The following DSC1 variants were observed in gnomAD, a reference collection of about 807,000 sequenced individuals.
The protein encoded by DSC1 is desmocollin 1.
Under a neutral mutation model 98.8 loss-of-function variants are expected in DSC1, and 79 were observed. The observed-to-expected ratio is 0.80, with a 90% CI of 0.67 to 0.96. The LOEUF is 0.96. DSC1 is among the 50% of genes least tolerant of loss of function. DSC1 has a pLI of 0.00. For synonymous variants in DSC1, 405 were observed against 372.1 expected, an observed-to-expected ratio of 1.09 and a Z score of -1.02; for missense variants, 1,115 against 1,075.9, an observed-to-expected ratio of 1.04 and a Z score of -0.51.
At chr18:31,132,449 T>C in intron 14 of DSC1, 119 bp downstream of exon 14, 1 of 1,391,030 alleles carries the variant, frequency 7.2e-7, no homozygotes, top group Non-Finnish European at 9.8e-7. Context: ...CACTTGAAAC[T>C]CTGCTTAGCA....
At chr18:31,145,562 T>C (rs759907544) in intron 7 of DSC1, 49 bp downstream of exon 7, 1 of 1,598,000 alleles carries the variant, frequency 6.3e-7, no homozygotes, top group South Asian at 1.1e-5. Context: ...GAGTTCATTC[T>C]CAGTTTAAAT....
chr18:31,134,445 T>G, intron 12 of DSC1, 127 bp downstream of exon 12: 1 of 903,392 alleles, frequency 1.1e-6, no homozygotes. Flanking sequence ...GATTAGGTAT[T>G]GTTGTTTTTA....
At chr18:31,132,453 C>T (rs1988514738) in intron 14 of DSC1, 115 bp downstream of exon 14, 3 of 1,423,294 alleles carry the variant, frequency 2.1e-6, no homozygotes, top group East Asian at 2.4e-5. Flanking sequence ...TGAAACTCTG[C>T]TTAGCATAGT....
At chr18:31,142,267 A>C in intron 8 of DSC1, 83 bp from the exon 9 acceptor site, 1 of 1,440,438 alleles carries the variant, frequency 6.9e-7, no homozygotes. Flanking sequence ...TTAAAGAAAA[A>C]AATAAATAAA....
At chr18:31,158,367 C>A (rs1236904131) in intron 2 of DSC1, among the ~76,000 whole-genome samples, 2 of 152,140 alleles carry the variant, frequency 1.3e-5, no homozygotes, top group African/African-American at 4.8e-5. Context: ...TTTAGTAAAC[C>A]CGATGCGCTG....
At chr18:31,155,519 A>G (rs1989079420) in intron 4 of DSC1, among the ~76,000 whole-genome samples, 1 of 152,048 alleles carries the variant, frequency 6.6e-6, no homozygotes, top group Non-Finnish European at 1.5e-5. Context: ...AATCCCAGCA[A>G]CTCGGGAGGT....
intron 5 of DSC1, among the ~76,000 whole-genome samples, chr18:31,153,475 G>T (rs906108655): frequency 4.6e-5 from 7 of 152,044 alleles, no homozygotes; most frequent in African/African-American, 9.7e-5. Flanking sequence ...AGTAAAATAT[G>T]TTTATTCTAG....
At chr18:31,150,226 TACCACC>T (rs1988942175) in intron 5 of DSC1, among the ~76,000 whole-genome samples, 1 of 70,684 alleles carries the variant, frequency 1.4e-5, no homozygotes, top group African/African-American at 5.8e-5. Flanking sequence ...TCACCACCAC[TACCACC>T]ATCATCACCA....
chr18:31,137,033 G>A (rs968339762), intron 11 of DSC1, among the ~76,000 whole-genome samples: 1 of 152,038 alleles, frequency 6.6e-6, no homozygotes, highest in African/African-American at 2.4e-5. Context: ...GTACATCTTG[G>A]GTTAACTAAA....
chr18:31,148,739 A>T, intron 5 of DSC1, 97 bp from the exon 6 acceptor site: 1 of 1,262,186 alleles, frequency 7.9e-7, no homozygotes, highest in African/African-American at 1.5e-5. Flanking sequence ...TTAAAAAAAA[A>T]AATCATTCCC....
At chr18:31,147,152 A>AGT in intron 6 of DSC1, among the ~76,000 whole-genome samples, 1 of 119,784 alleles carries the variant, frequency 8.3e-6, no homozygotes, top group Admixed American at 8.1e-5. Flanking sequence ...AAATCAGTTT[A>AGT]ATTTTTTTTT....
intron 11 of DSC1, among the ~76,000 whole-genome samples, chr18:31,138,665 A>G (rs1282650466): frequency 2.0e-5 from 3 of 152,048 alleles, no homozygotes; most frequent in Non-Finnish European, 4.4e-5. Flanking sequence ...CATTTTCACT[A>G]CTACCAACTT....
At chr18:31,141,046 G>T (rs1988724333) in intron 9 of DSC1, among the ~76,000 whole-genome samples, 1 of 152,186 alleles carries the variant, frequency 6.6e-6, no homozygotes, top group South Asian at 2.1e-4. Flanking sequence ...AGTGCCTTTT[G>T]CCTCCCTCCA....
chr18:31,157,266 T>C, intron 3 of DSC1, 105 bp downstream of exon 3: 5 of 1,209,348 alleles, frequency 4.1e-6, no homozygotes, highest in Non-Finnish European at 5.8e-6. Context: ...AAATTTGTCA[T>C]TCAATAGCAT....
At chr18:31,159,921 T>C in intron 1 of DSC1, among the ~76,000 whole-genome samples, 1 of 152,214 alleles carries the variant, frequency 6.6e-6, no homozygotes, top group Non-Finnish European at 1.5e-5. Flanking sequence ...GCCCTAATTC[T>C]CTAATCATCA....
chr18:31,149,826 T>TA (rs1988923131), intron 5 of DSC1, among the ~76,000 whole-genome samples: 1 of 152,202 alleles, frequency 6.6e-6, no homozygotes, highest in African/African-American at 2.4e-5. Flanking sequence ...TGTATTAAAA[T>TA]AACCATTCAT....
intron 3 of DSC1, 149 bp downstream of exon 3, chr18:31,157,222 G>T: frequency 2.4e-6 from 2 of 827,046 alleles, no homozygotes; most frequent in Non-Finnish European, 3.8e-6. Context: ...TAAAAGTCTA[G>T]TCTTTATTTA....
intron 3 of DSC1, among the ~76,000 whole-genome samples, chr18:31,156,676 G>A (rs1437381847): frequency 6.6e-6 from 1 of 152,198 alleles, no homozygotes; most frequent in East Asian, 1.9e-4. Flanking sequence ...CAATCAAAAA[G>A]AATTTAGTTG....
chr18:31,134,250 T>C (rs1222723485), intron 12 of DSC1, 120 bp from the exon 13 acceptor site: 1 of 1,342,318 alleles, frequency 7.4e-7, no homozygotes, highest in Non-Finnish European at 1.0e-6. Context: ...TTTTCTTTTT[T>C]TTTTTGAATT....
Sources: allele counts gnomAD v4.1 joint callset (sites outside exome capture counted in the v4.1 genomes callset), GRCh38; gene constraint gnomAD v4.1.1; transcripts MANE v1.5; gene names NCBI Gene and HGNC (gene_info 2026-07-23, HGNC 2026-07-21).